Variants in EYS observed in about 807,000 individuals in gnomAD.
EYS encodes protein eyes shut homolog.
A neutral mutation model predicts 282.1 loss-of-function variants in EYS; 250 were observed. That is an observed-to-expected ratio of 0.89 (90% CI 0.80 to 0.98). The LOEUF (loss-of-function observed/expected upper bound fraction) is 0.98, where lower values mean the gene tolerates loss of function less well. Ranked by LOEUF, EYS falls within the 50% of genes least tolerant of loss-of-function variation. EYS has a pLI of 0.00. For synonymous variants in EYS, 1,355 were observed against 1,282.9 expected, an observed-to-expected ratio of 1.06 and a Z score of -1.20; for missense variants, 4,016 against 3,709.0, an observed-to-expected ratio of 1.08 and a Z score of -2.15.
chr6:65,326,374 T>C (rs911576999), intron 11 of EYS, among the ~76,000 whole-genome samples: 3 of 151,368 alleles, frequency 2.0e-5, no homozygotes, highest in Admixed American at 6.6e-5. Flanking sequence ...AGAAATGCTA[T>C]GTATATTAAA....
intron 33 of EYS, among the ~76,000 whole-genome samples, chr6:64,008,984 T>A (rs1279467793): frequency 3.3e-5 from 5 of 152,190 alleles, no homozygotes; most frequent in African/African-American, 1.2e-4. Flanking sequence ...AGGTGTTCTC[T>A]GCATTTCCTG....
chr6:63,978,854 A>G (rs1462024734), intron 35 of EYS, among the ~76,000 whole-genome samples: 2 of 151,986 alleles, frequency 1.3e-5, no homozygotes, highest in African/African-American at 4.8e-5. Flanking sequence ...TCACAAAAAA[A>G]CTGCCTTCTT....
intron 26 of EYS, among the ~76,000 whole-genome samples, chr6:64,566,836 T>C (rs1421667233): frequency 6.6e-6 from 1 of 152,112 alleles, no homozygotes; most frequent in Non-Finnish European, 1.5e-5. Context: ...TGTAGTGCCA[T>C]GATTTTGGCT....
intron 22 of EYS, among the ~76,000 whole-genome samples, chr6:64,728,625 G>T (rs574747564): frequency 2.6e-5 from 4 of 152,146 alleles, no homozygotes; most frequent in African/African-American, 9.7e-5. Flanking sequence ...GTGAGCCACC[G>T]CGACCAGCCA....
chr6:65,030,618 C>T (rs1203605433), intron 13 of EYS, among the ~76,000 whole-genome samples: 4 of 152,180 alleles, frequency 2.6e-5, no homozygotes, highest in East Asian at 3.9e-4. Context: ...CAGATTCCAT[C>T]GGGGTATTGT....
chr6:64,128,428 A>G, intron 31 of EYS, among the ~76,000 whole-genome samples: 1 of 152,266 alleles, frequency 6.6e-6, no homozygotes, highest in Middle Eastern at 3.4e-3. Context: ...GAAATCAACA[A>G]TGCTAAAGGA....
At chr6:65,384,886 A>T (rs1206885863) in intron 7 of EYS, among the ~76,000 whole-genome samples, 2 of 151,920 alleles carry the variant, frequency 1.3e-5, no homozygotes, top group African/African-American at 4.8e-5. Context: ...GGAGTTAATG[A>T]TGACTACATG....
chr6:65,494,818 T>C lies in EYS; in HGVS notation c.593A>G (p.Tyr198Cys), dbSNP rs1766183618. Residue 198 changes from tyrosine (Y) to cysteine (C), a missense_variant, in exon 4 of 43, where the codon TAT (tyrosine) becomes TGT (cysteine). Tyr to Cys is a radical substitution (Grantham distance 194). Transcript: ENST00000503581. ...KCLSEAWSKT[Y>C]SCHCQPPFSG... ...AAATGGAGGCTGGCAATGGCAGCTA[T>C]ATGTCTTGCTCCAAGCTTCACTAAG... 1.2e-6 allele frequency: 2 copies of C among 1,613,964 alleles called. No individual in the cohort carries two copies. Among genetic ancestry groups the C allele is most frequent in the Non-Finnish European group, 1.7e-6 (2 of 1,180,006 alleles).
intron 19 of EYS, among the ~76,000 whole-genome samples, chr6:64,842,736 C>A (rs907828304): frequency 6.6e-6 from 1 of 151,916 alleles, no homozygotes; most frequent in African/African-American, 2.4e-5. Flanking sequence ...GAACTTTGAA[C>A]TTGAGAGAGA....
rs193194768 is a variant in EYS at position 65,402,994 on chromosome 6, G to A, written c.1057-389C>T. 4.0e-3 allele frequency among the ~76,000 whole-genome samples: 604 copies of A among 152,158 alleles called. 5 individuals carry two copies. Among genetic ancestry groups the A allele is most frequent in the African/African-American group, 0.014 (571 of 41,554 alleles). Reference sequence around the variant, plus strand: ...AGGCCACATGGAGAAATCATGTTTAGGATTGTGGCTAATAGGCCCAGTTCT... The same window carrying A: ...AGGCCACATGGAGAAATCATGTTTAAGATTGTGGCTAATAGGCCCAGTTCT... On this transcript the variant is annotated intron_variant, in intron 6 of 42. Transcript: ENST00000503581.
At chr6:65,062,069 C>T (rs1331347792) in intron 12 of EYS, among the ~76,000 whole-genome samples, 1 of 151,850 alleles carries the variant, frequency 6.6e-6, no homozygotes. Context: ...TTGAAACCAT[C>T]AACTGATTTA....
intron 12 of EYS, among the ~76,000 whole-genome samples, chr6:65,186,314 C>A (rs841527): frequency 5.9e-5 from 9 of 151,610 alleles, no homozygotes; most frequent in Non-Finnish European, 8.9e-5. Context: ...ACGTTTCATA[C>A]GAAAAATCAC....
At chr6:64,764,458 T>G (rs1773259322) in intron 22 of EYS, among the ~76,000 whole-genome samples, 1 of 152,194 alleles carries the variant, frequency 6.6e-6, no homozygotes, top group Non-Finnish European at 1.5e-5. Flanking sequence ...GTGCCATGTC[T>G]CATGGTAGCA....
chr6:64,012,986 A>G (rs1008383080), intron 33 of EYS, among the ~76,000 whole-genome samples: 1 of 152,180 alleles, frequency 6.6e-6, no homozygotes, highest in African/African-American at 2.4e-5. Context: ...CCTCTGGATG[A>G]TAGTCATGTG....
chr6:65,307,492 T>C (rs1428271250), intron 11 of EYS, among the ~76,000 whole-genome samples: 2 of 149,744 alleles, frequency 1.3e-5, no homozygotes, highest in African/African-American at 4.8e-5. Flanking sequence ...CCTAGCTGTT[T>C]ACAGCAGAGA....
chr6:65,118,251 T>C (rs1480902596), intron 12 of EYS, among the ~76,000 whole-genome samples: 2 of 152,284 alleles, frequency 1.3e-5, no homozygotes, highest in East Asian at 3.9e-4. Flanking sequence ...TGAAATGATG[T>C]AGGAGATGTG....
chr6:65,438,837 G>A (rs1327530436), intron 5 of EYS, among the ~76,000 whole-genome samples: 1 of 152,056 alleles, frequency 6.6e-6, no homozygotes, highest in Non-Finnish European at 1.5e-5. Context: ...TTCTTTTGCT[G>A]TGCAGAAGCT....
At chr6:65,703,735 T>C (rs1429074682) in intron 1 of EYS, among the ~76,000 whole-genome samples, 1 of 152,148 alleles carries the variant, frequency 6.6e-6, no homozygotes, top group African/African-American at 2.4e-5. Context: ...GAACTAACAA[T>C]GTGAGAAATT....
chr6:64,513,626 G>A (rs1013531298), intron 26 of EYS, among the ~76,000 whole-genome samples: 9 of 151,760 alleles, frequency 5.9e-5, no homozygotes, highest in African/African-American at 9.7e-5. Flanking sequence ...AAGAAAGAAC[G>A]ACTTTAAATC....
Sources: gnomAD v4.1 joint callset for allele counts (sites outside exome capture counted in the v4.1 genomes callset) on GRCh38, gnomAD v4.1.1 for gene constraint, MANE v1.5 for transcripts, NCBI Gene and HGNC (gene_info 2026-07-23, HGNC 2026-07-21) for gene names.